The following SRGAP3 variants were observed in gnomAD, a reference collection of about 807,000 sequenced individuals.
The protein encoded by SRGAP3 is SLIT-ROBO Rho GTPase-activating protein 3.
A neutral mutation model predicts 121.1 loss-of-function variants in SRGAP3; 39 were observed. The ratio of observed to expected loss-of-function variants is 0.32; its 90% CI spans 0.25 to 0.42. The LOEUF (loss-of-function observed/expected upper bound fraction) is 0.42, where lower values mean the gene tolerates loss of function less well. Ranked by LOEUF, SRGAP3 falls within the 10% of genes least tolerant of loss-of-function variation. The probability of loss-of-function intolerance (pLI) is 1.00; values close to 1 mark genes in which losing one functional copy is unlikely to be tolerated. For missense variants in SRGAP3, 1,213 were observed against 1,470.6 expected, an observed-to-expected ratio of 0.82 and a Z score of 2.86; for synonymous variants, 601 against 570.0, an observed-to-expected ratio of 1.05 and a Z score of -0.77.
At chr3:9,087,882 G>T (rs376442071) in intron 3 of SRGAP3, among the ~76,000 whole-genome samples, 1 of 152,090 alleles carries the variant, frequency 6.6e-6, no homozygotes, top group Non-Finnish European at 1.5e-5. Context: ...ACTGTAAGCC[G>T]CCAGAGGGAA....
At chr3:9,058,011 C>T (rs1216577465) in intron 7 of SRGAP3, among the ~76,000 whole-genome samples, 2 of 152,152 alleles carry the variant, frequency 1.3e-5, no homozygotes, top group Non-Finnish European at 1.5e-5. Flanking sequence ...GTCTTCTAGA[C>T]ATAGCTGGGA....
chr3:9,017,496 G>C (rs1214429458), intron 14 of SRGAP3, among the ~76,000 whole-genome samples: 1 of 152,080 alleles, frequency 6.6e-6, no homozygotes, highest in Non-Finnish European at 1.5e-5. Context: ...TTATTGTTTA[G>C]TATTTTTATC....
intron 3 of SRGAP3, among the ~76,000 whole-genome samples, chr3:9,283,095 T>C (rs1194512626): frequency 6.6e-6 from 1 of 151,998 alleles, no homozygotes; most frequent in East Asian, 1.9e-4. Flanking sequence ...CACCCGCCAT[T>C]ATACCTGGCT....
Position 9,064,400 on chromosome 3 carries a change from T to C in SRGAP3, c.668A>G (p.Glu223Gly). ...SSVKKIEKMK[E>G]KRQAKYSENK... ...CAGCCCAGGGCCCCCACTCACCTTC[T>C]CCTTCATCTTCTCAATCTTCTTCAC... Residue 223 changes from glutamate to glycine, a missense_variant, in exon 5 of 22, where the codon GAG becomes GGG. Around this residue, in one of 2 missense-constraint regions of SRGAP3, gnomAD observed 793 missense variants for 1,032.9 expected, o/e 0.77. Transcript: ENST00000383836. 1 of 1,614,140 alleles carries C rather than the reference T, an allele frequency of 6.2e-7. No homozygotes were observed. Among genetic ancestry groups the C allele is most frequent in the Non-Finnish European group, 8.5e-7 (1 of 1,180,018 alleles).
intron 1 of SRGAP3, among the ~76,000 whole-genome samples, chr3:9,131,433 CTTT>C (rs869155697): frequency 2.2e-5 from 2 of 90,214 alleles, no homozygotes. Flanking sequence ...AGATCTAATT[CTTT>C]TTTTTTTTTT....
chr3:9,079,900 C>T, intron 4 of SRGAP3, 125 bp downstream of exon 4: 1 of 919,532 alleles, frequency 1.1e-6, no homozygotes, highest in Non-Finnish European at 1.7e-6. Context: ...CCCACTGTCA[C>T]TCAGCATAAA....
chr3:8,983,160 G>A lies in SRGAP3; in HGVS notation c.*2359C>T, dbSNP rs1396216411. 1 of 227,078 alleles carries A rather than the reference G, an allele frequency of 4.4e-6. No individual in the cohort carries two copies. Among genetic ancestry groups the A allele is most frequent in the African/African-American group, 2.2e-5 (1 of 44,906 alleles). 14.1% of individuals were successfully genotyped at this position (227,078 alleles called of 1,614,324 possible). On this transcript the variant is annotated 3_prime_UTR_variant, in exon 22 of 22. Coordinates refer to ENST00000383836, the MANE Select transcript of SRGAP3 (RefSeq NM_014850.4). ...TATAGCATCCAGCATGCAAACACAT[G>A]ACTTTAAGAGCCTGACGCAGCCTCT... is the stretch of plus-strand genomic sequence containing the variant.
intron 3 of SRGAP3, among the ~76,000 whole-genome samples, chr3:9,307,658 A>G (rs1955180147): frequency 6.6e-6 from 1 of 152,250 alleles, no homozygotes; most frequent in Admixed American, 6.5e-5. Flanking sequence ...AGCTGCTGAG[A>G]CAAAAGAAAA....
At chr3:9,225,062 G>GCAGTTT (rs1209424508) in intron 1 of SRGAP3, among the ~76,000 whole-genome samples, 1 of 152,148 alleles carries the variant, frequency 6.6e-6, no homozygotes, top group Non-Finnish European at 1.5e-5. Context: ...TAAAGTGCCT[G>GCAGTTT]CAGTTTCTAC....
chr3:9,035,747 G>C (rs117657059), intron 11 of SRGAP3: 1 of 164,270 alleles, frequency 6.1e-6, no homozygotes, highest in Non-Finnish European at 1.3e-5. Context: ...TGGCAACACA[G>C]GAAATAGCCT....
intron 2 of SRGAP3, among the ~76,000 whole-genome samples, chr3:9,108,846 T>C (rs1948516230): frequency 6.6e-6 from 1 of 152,074 alleles, no homozygotes; most frequent in Non-Finnish European, 1.5e-5. Context: ...GGCCTGGGTG[T>C]GGTCTTGTAG....
chr3:9,298,755 A>G (rs1954996812), intron 3 of SRGAP3, among the ~76,000 whole-genome samples: 1 of 152,162 alleles, frequency 6.6e-6, no homozygotes, highest in Non-Finnish European at 1.5e-5. Context: ...TAGCAGCCAC[A>G]TGAAAAAACA....
rs1954120982 is a variant in SRGAP3 at position 9,255,866 on chromosome 3, G to A, written n.442+70144C>T. On this transcript the variant is annotated intron_variant and non_coding_transcript_variant, in intron 3 of 3. Coordinates refer to the SRGAP3 transcript ENST00000490889. ...CATTTAGTATCATGATCCTCACACA[G>A]TCCTTTGAGATAGGTTATATTTTTC... Among the ~76,000 whole-genome samples, 4 of 152,266 alleles carry A rather than the reference G, an allele frequency of 2.6e-5. No individual in the cohort carries two copies. The South Asian group carries it at 8.3e-4, about 32-fold the overall frequency.
chr3:9,250,789 C>A (rs2648520), upstream of SRGAP3, among the ~76,000 whole-genome samples: 18,060 of 152,154 alleles, frequency 0.12, 1,221 homozygotes, highest in East Asian at 0.21. Flanking sequence ...AGCCTTCCAA[C>A]CCAGGCTCAA....
rs139645453 is a variant in SRGAP3, at chr3:9,265,598, G to A, written n.442+60412C>T. On this transcript the variant is annotated intron_variant and non_coding_transcript_variant, in intron 3 of 3. Transcript: ENST00000490889. The stretch of plus-strand genomic sequence containing the variant: ...ACTTCTCAAAAGAAGACATTTATGC[G>A]GCCTACAAACATATGAAAAAAAAAA... Among the ~76,000 whole-genome samples, 355 of 151,960 alleles carry A rather than the reference G, an allele frequency of 2.3e-3. 2 individuals carry two copies. The highest frequency in any genetic ancestry group is 2.9e-3 in the Non-Finnish European group (198 of 67,968).
chr3:9,196,047 C>T (rs1486177501), intron 1 of SRGAP3, among the ~76,000 whole-genome samples: 1 of 152,180 alleles, frequency 6.6e-6, no homozygotes, highest in Non-Finnish European at 1.5e-5. Flanking sequence ...ATCATTGTGG[C>T]TTTGGAGGAA....
intron 3 of SRGAP3, among the ~76,000 whole-genome samples, chr3:9,255,283 C>T (rs1210307249): frequency 6.6e-6 from 1 of 152,188 alleles, no homozygotes; most frequent in East Asian, 1.9e-4. Context: ...GGGAAATACA[C>T]ATGAAATGTT....
At chr3:9,061,932 G>C (rs1034413360) in intron 5 of SRGAP3, among the ~76,000 whole-genome samples, 2 of 152,164 alleles carry the variant, frequency 1.3e-5, no homozygotes, top group African/African-American at 4.8e-5. Flanking sequence ...TAAAAAGTCA[G>C]GTCTCTGTAA....
At chr3:9,319,219 G>A (rs1462842857) in intron 3 of SRGAP3, among the ~76,000 whole-genome samples, 1 of 151,844 alleles carries the variant, frequency 6.6e-6, no homozygotes, top group Non-Finnish European at 1.5e-5. Flanking sequence ...CTTGCCTAAA[G>A]TCACATAATG....
Sources: allele counts gnomAD v4.1 joint callset (sites outside exome capture counted in the v4.1 genomes callset), GRCh38; gene constraint gnomAD v4.1.1; regional missense constraint gnomAD v4.1.1; transcripts MANE v1.5; gene names NCBI Gene and HGNC (gene_info 2026-07-23, HGNC 2026-07-21).